CFAP77: variants seen among roughly 807,000 people sequenced by gnomAD.
CFAP77 encodes the protein cilia and flagella associated protein 77.
A neutral mutation model predicts 31.1 loss-of-function variants in CFAP77; 25 were observed. The observed-to-expected ratio is 0.80, with a 90% CI of 0.59 to 1.12. CFAP77 has a LOEUF of 1.12. Among genes scored for constraint, CFAP77 ranks in the 50% most tolerant of loss-of-function variants. The pLI, the probability that CFAP77 is intolerant of heterozygous loss-of-function variation, is 0.00. For missense variants in CFAP77, 377 were observed against 397.3 expected (o/e 0.95, Z 0.44); for synonymous variants, 151 against 159.9 (o/e 0.94, Z 0.42).
At chr9:132,417,539 C>T (rs1286311422) in intron 1 of CFAP77, among the ~76,000 whole-genome samples, 1 of 152,186 alleles carries the variant, frequency 6.6e-6, no homozygotes, top group Admixed American at 6.5e-5. Flanking sequence ...AGGTTGGAGC[C>T]AGCAGATCCT....
At chr9:132,492,227 G>A (rs769709655) in intron 1 of CFAP77, among the ~76,000 whole-genome samples, 55 of 152,212 alleles carry the variant, frequency 3.6e-4, no homozygotes, top group Non-Finnish European at 7.2e-4. Flanking sequence ...TGTCGAGGCT[G>A]TAGCAAGCTG....
rs1317279296 is a variant in CFAP77 at position 132,554,350 on chromosome 9, T to C, written c.732+11303T>C. ...TTATGCAACCCTTATTTTTATTTTA[T>C]TTATTTTTTTTTTTGAGACAGGCTC... is the stretch of plus-strand genomic sequence containing the variant. On this transcript the variant is annotated intron_variant, in intron 5 of 5. Coordinates refer to ENST00000393216, the MANE Select transcript of CFAP77 (RefSeq NM_001282957.2). This position sits in a 1 kb window ranked among gnomAD's most constrained non-coding sequence, Gnocchi z 4.1. Among the ~76,000 whole-genome samples, 2 of 150,952 alleles carry C rather than the reference T, an allele frequency of 1.3e-5. No individual in the cohort carries two copies. The highest frequency in any genetic ancestry group is 1.3e-4 in the Admixed American group (2 of 15,196).
intron 5 of CFAP77, among the ~76,000 whole-genome samples, chr9:132,556,756 G>A (rs1408769054): frequency 6.6e-6 from 1 of 152,240 alleles, no homozygotes. Context: ...CGAGCTGTCA[G>A]GGAACTGAGG....
Position 132,456,117 on chromosome 9 carries a change from C to T in CFAP77, c.196-42578C>T, listed in dbSNP as rs115758350. ...GAGTGTCGGGTACTATCCTAGGCTC[C>T]GTTGAACGAGACAGGTGAGCTGCCT... On this transcript the variant is annotated intron_variant, in intron 1 of 5. Coordinates refer to ENST00000393216, the MANE Select transcript of CFAP77 (RefSeq NM_001282957.2). Among the ~76,000 whole-genome samples, 451 of 152,272 alleles carry T rather than the reference C, an allele frequency of 3.0e-3. 1 individual carries two copies. Among genetic ancestry groups the T allele is most frequent in the African/African-American group, 0.01 (423 of 41,554 alleles).
chr9:132,566,986 G>A (rs1413922232), intron 5 of CFAP77, among the ~76,000 whole-genome samples: 1 of 152,198 alleles, frequency 6.6e-6, no homozygotes, highest in Admixed American at 6.5e-5. Context: ...CTTCTCAAAT[G>A]CCAGGTTCTG....
rs1020647761 is a variant in CFAP77, at chr9:132,424,176, G to A, written c.195+13710G>A. Among the ~76,000 whole-genome samples the A allele has an allele frequency of 6.6e-6, 1 of 152,212 alleles. No homozygotes were observed. Among genetic ancestry groups the A allele is most frequent in the Non-Finnish European group, 1.5e-5 (1 of 68,044 alleles). ...TAATCGCAGCACTTTGGGAGGCAGA[G>A]GCAGGCAGATCATGAGGTCAGGAGA... On this transcript the variant is annotated intron_variant, in intron 1 of 5. Transcript: ENST00000393216. The surrounding 1 kb of genome is among the most constrained non-coding windows in gnomAD (Gnocchi z 4.1).
intron 5 of CFAP77, among the ~76,000 whole-genome samples, chr9:132,558,432 T>G (rs1345470917): frequency 6.6e-6 from 1 of 152,172 alleles, no homozygotes; most frequent in Non-Finnish European, 1.5e-5. Context: ...AATCCAGGTG[T>G]GGTGGCTCAT....
chr9:132,499,259 CA>C lies in CFAP77; in HGVS notation c.296-112del. On this transcript the variant is annotated intron_variant, in intron 2 of 5. Coordinates refer to ENST00000393216, the MANE Select transcript of CFAP77 (RefSeq NM_001282957.2). The surrounding 1 kb of genome is among the most constrained non-coding windows in gnomAD (Gnocchi z 5.4). The stretch of plus-strand genomic sequence containing the variant: ...AGGCAGGGTTGTCACCCAGTAGGCT[CA>C]GGTAAATGGGAAGGCCGAGGACCCG... 1 of 900,404 alleles carries C rather than the reference CA, an allele frequency of 1.1e-6. No homozygotes were observed. Among genetic ancestry groups the C allele is most frequent in the Non-Finnish European group, 1.7e-6 (1 of 588,756 alleles). 55.8% of individuals were successfully genotyped at this position (900,404 alleles called of 1,614,324 possible). A position where few individuals can be genotyped will look rare whatever the true frequency, so the allele number is the denominator to read the frequency against.
chr9:132,474,388 C>T lies in CFAP77; in HGVS notation c.196-24307C>T, dbSNP rs548247664. ...CAAACACGTAATTATAAAACTGCGA[C>T]TCCGGATCCCTTCATCCCAGGAAGG... On this transcript the variant is annotated intron_variant, in intron 1 of 5. Coordinates refer to ENST00000393216, the MANE Select transcript of CFAP77 (RefSeq NM_001282957.2). Among the ~76,000 whole-genome samples the T allele has an allele frequency of 1.1e-3, 161 of 152,338 alleles. 1 individual carries two copies. The highest frequency in any genetic ancestry group is 1.5e-3 in the Non-Finnish European group (101 of 68,032).
chr9:132,552,466 C>T lies in CFAP77; in HGVS notation c.732+9419C>T, dbSNP rs536185248. Among the ~76,000 whole-genome samples, 5 of 152,222 alleles carry T rather than the reference C, an allele frequency of 3.3e-5. No individual in the cohort carries two copies. Among genetic ancestry groups the T allele is most frequent in the East Asian group, 1.9e-4 (1 of 5,186 alleles). Reference sequence around the variant, plus strand: ...CTCCCAGCACTTTGGGAGGCCAAGGCGGGAGGATCACTTCAGCTCAGGAGT... The same window carrying T: ...CTCCCAGCACTTTGGGAGGCCAAGGTGGGAGGATCACTTCAGCTCAGGAGT... On this transcript the variant is annotated intron_variant, in intron 5 of 5. Transcript: ENST00000393216. This position sits in a 1 kb window ranked among gnomAD's most constrained non-coding sequence, Gnocchi z 5.5.
Position 132,511,404 on chromosome 9 carries a change from T to C in CFAP77, c.524+11804T>C, listed in dbSNP as rs939548254. On this transcript the variant is annotated intron_variant, in intron 3 of 5. Transcript: ENST00000393216. The surrounding 1 kb of genome is among the most constrained non-coding windows in gnomAD (Gnocchi z 5.8). ...TCTCTTGCCTGGAGAGGCCACCCTG[T>C]GTGGCCACTGCCTGCAGACCTGAGC... Among the ~76,000 whole-genome samples, 1 of 152,182 alleles carries C rather than the reference T, an allele frequency of 6.6e-6. No individual in the cohort carries two copies. Among genetic ancestry groups the C allele is most frequent in the South Asian group, 2.1e-4 (1 of 4,828 alleles).
chr9:132,553,540 C>T (rs1475413809), intron 5 of CFAP77, among the ~76,000 whole-genome samples: 1 of 152,236 alleles, frequency 6.6e-6, no homozygotes, highest in Non-Finnish European at 1.5e-5. Flanking sequence ...CTGCCTTCTA[C>T]CTTCCACCTC....
At chr9:132,468,141 G>A (rs181452679) in intron 1 of CFAP77, among the ~76,000 whole-genome samples, 223 of 152,000 alleles carry the variant, frequency 1.5e-3, no homozygotes, top group Non-Finnish European at 2.6e-3. Context: ...TCAGGAGTTC[G>A]AGACCAGCCT....
chr9:132,561,591 A>G lies in CFAP77; in HGVS notation c.733-10797A>G, dbSNP rs116674810. Reference sequence around the variant, plus strand: ...GCGCCAGATTTGGTTTCTTCTGGCCATTGAGGTGCATGTACACACACACAC... The same window carrying G: ...GCGCCAGATTTGGTTTCTTCTGGCCGTTGAGGTGCATGTACACACACACAC... On this transcript the variant is annotated intron_variant, in intron 5 of 5. Transcript: ENST00000393216. 6.3e-3 allele frequency among the ~76,000 whole-genome samples: 910 copies of G among 144,182 alleles called. 7 individuals carry two copies. Among genetic ancestry groups the G allele is most frequent in the African/African-American group, 0.022 (857 of 39,198 alleles). 94.6% of individuals were successfully genotyped at this position (144,182 alleles called of 152,430 possible). A position where few individuals can be genotyped will look rare whatever the true frequency, so the allele number is the denominator to read the frequency against.
intron 1 of CFAP77, among the ~76,000 whole-genome samples, chr9:132,432,720 T>G (rs1850432309): frequency 6.6e-6 from 1 of 150,478 alleles, no homozygotes; most frequent in Admixed American, 6.6e-5. Flanking sequence ...TGTTTTGTTT[T>G]GTTTTGTTTT....
In CFAP77 at chr9:132,499,827, A is replaced by C. The variant is rs1851813189; in HGVS notation, c.524+227A>C. 6.6e-6 allele frequency among the ~76,000 whole-genome samples: 1 copy of C among 152,122 alleles called. No individual in the cohort carries two copies. Among genetic ancestry groups the C allele is most frequent in the African/African-American group, 2.4e-5 (1 of 41,424 alleles). On this transcript the variant is annotated intron_variant, in intron 3 of 5. Transcript: ENST00000393216. This position sits in a 1 kb window ranked among gnomAD's most constrained non-coding sequence, Gnocchi z 5.4. ...CTGTAGGGCTGTGCACAGGTCACCC[A>C]CTTTCCCTTGATCAACAAACAGTGA... is the stretch of plus-strand genomic sequence containing the variant.
intron 1 of CFAP77, among the ~76,000 whole-genome samples, chr9:132,436,704 C>A (rs753727812): frequency 6.6e-5 from 10 of 152,130 alleles, no homozygotes; most frequent in Admixed American, 5.2e-4. Flanking sequence ...ACATTTGAAG[C>A]TGGAAACTTT....
chr9:132,434,240 T>G (rs1850466367), intron 1 of CFAP77, among the ~76,000 whole-genome samples: 1 of 152,080 alleles, frequency 6.6e-6, no homozygotes, highest in African/African-American at 2.4e-5. Context: ...CTCTGAGGTG[T>G]TTTATGTGGC....
At chr9:132,493,762 A>G (rs1851689743) in intron 1 of CFAP77, among the ~76,000 whole-genome samples, 1 of 151,906 alleles carries the variant, frequency 6.6e-6, no homozygotes, top group Admixed American at 6.5e-5. Flanking sequence ...GGCTTCTTTC[A>G]CTCCACGCTT....
Sources: allele counts gnomAD v4.1 joint callset (sites outside exome capture counted in the v4.1 genomes callset), GRCh38; gene constraint gnomAD v4.1.1; non-coding constraint Gnocchi (gnomAD v3.1); transcripts MANE v1.5; gene names NCBI Gene and HGNC (gene_info 2026-07-23, HGNC 2026-07-21).